The following GABRA6 variants were observed in gnomAD, a reference collection of about 807,000 sequenced individuals.
GABRA6 encodes the protein gamma-aminobutyric acid type A receptor subunit alpha6, also known as gamma-aminobutyric acid receptor subunit alpha-6.
In GABRA6, 45 loss-of-function variants were observed where a neutral mutation model predicts 47.3. The observed-to-expected ratio is 0.95, with a 90% confidence interval of 0.75 to 1.22. GABRA6 has a LOEUF of 1.22. Among genes scored for constraint, GABRA6 ranks in the 50% most tolerant of loss-of-function variants. The probability of loss-of-function intolerance (pLI) is 0.00; values close to 1 mark genes in which losing one functional copy is unlikely to be tolerated. For synonymous variants in GABRA6, 219 were observed against 194.7 expected (o/e 1.12, Z -1.04); for missense variants, 583 against 549.3 (o/e 1.06, Z -0.61).
intron 6 of GABRA6, 99 bp from the exon 7 acceptor site, chr5:161,690,102 A>G (rs12518935): frequency 8.8e-7 from 1 of 1,134,140 alleles, no homozygotes; most frequent in African/African-American, 1.5e-5. Flanking sequence ...GTTTTCTTCC[A>G]GTCAATGTTA....
At chr5:161,699,715 G>T (rs1022000262) in intron 8 of GABRA6, among the ~76,000 whole-genome samples, 1 of 151,834 alleles carries the variant, frequency 6.6e-6, no homozygotes, top group South Asian at 2.1e-4. Flanking sequence ...ACCCACCTCC[G>T]CCTCCCAAAG....
chr5:161,700,404 G>A (rs751115630), intron 8 of GABRA6, among the ~76,000 whole-genome samples: 2 of 152,208 alleles, frequency 1.3e-5, no homozygotes, highest in African/African-American at 4.8e-5. Context: ...GCCACAAGGA[G>A]GGTGTTTGTT....
In GABRA6 at chr5:161,702,048, T is replaced by C. The variant is rs1754992240; in HGVS notation, c.*275T>C. 2 of 438,384 alleles carry C rather than the reference T, an allele frequency of 4.6e-6. No individual in the cohort carries two copies. The highest frequency in any genetic ancestry group is 2.8e-5 in the South Asian group (1 of 36,342). 27.2% of individuals were successfully genotyped at this position (438,384 alleles called of 1,614,324 possible). A position where few individuals can be genotyped will look rare whatever the true frequency, so the allele number is the denominator to read the frequency against. Reference sequence around the variant, plus strand: ...GGGTTCAAGATGAATTTGTCAACTTTTGTCTTCCATTGTTCAGTATTTTTA... The same window carrying C: ...GGGTTCAAGATGAATTTGTCAACTTCTGTCTTCCATTGTTCAGTATTTTTA... On this transcript the variant is annotated 3_prime_UTR_variant, in exon 9 of 9. Coordinates refer to ENST00000274545, the MANE Select transcript of GABRA6 (RefSeq NM_000811.3).
Position 161,686,334 on chromosome 5 carries a change from G to C in GABRA6, c.143G>C (p.Arg48Pro). The C allele has an allele frequency of 6.2e-7, 1 of 1,613,412 alleles. No individual in the cohort carries two copies. Among genetic ancestry groups the C allele is most frequent in the Non-Finnish European group, 8.5e-7 (1 of 1,179,374 alleles). The change falls in exon 2 of 9, where the codon CGG becomes CCG. Residue 48 changes from arginine to proline, a missense_variant. By Grantham distance (103) the Arg-to-Pro change is moderately radical. Transcript: ENST00000274545. ...CTTGAAGGCTATGACAATCGGCTGCGGCCGGGATTTGGAGGTAAGAAGCTG... is the reference window on the plus strand; with the variant it reads ...CTTGAAGGCTATGACAATCGGCTGCCGCCGGGATTTGGAGGTAAGAAGCTG... ...NLLEGYDNRL[R>P]PGFGGAVTEV... is the part of the protein sequence containing the mutation.
Position 161,691,996 on chromosome 5 carries a change from G to A in GABRA6, c.882G>A (p.Leu294=), listed in dbSNP as rs1220947762. ...TGAGCATCAGTGCCCGGCACTCTTT[G>A]CCAAAAGTGTCATATGCCACTGCCA... ...TTLSISARHS[L]PKVSYATAMD... is the part of the protein sequence containing the mutation. Residue 294 remains leucine (L), a synonymous_variant, in exon 8 of 9, where the codon TTG becomes TTA. Coordinates refer to ENST00000274545, the MANE Select transcript of GABRA6 (RefSeq NM_000811.3). 2 of 1,613,876 alleles carry A rather than the reference G, an allele frequency of 1.2e-6. No individual in the cohort carries two copies. The highest frequency in any genetic ancestry group is 3.3e-5 in the Admixed American group (2 of 59,992).
chr5:161,686,392 T>C (rs1339126168), intron 2 of GABRA6, 44 bp downstream of exon 2: 2 of 1,443,994 alleles, frequency 1.4e-6, no homozygotes, highest in Middle Eastern at 1.8e-4. Context: ...GTAGTTTCCT[T>C]CCTCCGTTTC....
chr5:161,691,282 T>C (rs1754784956), intron 7 of GABRA6, among the ~76,000 whole-genome samples: 2 of 145,954 alleles, frequency 1.4e-5, no homozygotes, highest in Admixed American at 7.3e-5. Flanking sequence ...TTTTTCTTTT[T>C]CTTTCCTTTT....
rs1754685147 is a variant in GABRA6 at position 161,686,017 on chromosome 5, A to G, written c.28A>G (p.Ile10Val). MASSLPWLCIILWLENALGK... is the reference protein window; with the variant it reads MASSLPWLCVILWLENALGK... ...GGCGTCGTCTCTGCCCTGGCTGTGC[A>G]TTATTCTGTGGTGAGTAAGATCCTT... The change falls in exon 1 of 9, where the codon ATT becomes GTT. Residue 10 changes from isoleucine to valine, a missense_variant. Transcript: ENST00000274545. 1 of 1,613,770 alleles carries G rather than the reference A, an allele frequency of 6.2e-7. No individual in the cohort carries two copies. The highest frequency in any genetic ancestry group is 8.5e-7 in the Non-Finnish European group (1 of 1,179,810).
intron 5 of GABRA6, 100 bp downstream of exon 5, chr5:161,689,436 G>T: frequency 8.9e-7 from 1 of 1,121,456 alleles, no homozygotes; most frequent in Admixed American, 1.8e-5. Context: ...ATAGAATCAT[G>T]ACACTATCAG....
In GABRA6 at chr5:161,701,567, G is replaced by C. The variant is rs773585316; in HGVS notation, c.1156G>C (p.Glu386Gln). ...SLSLPIVSSS[E>Q]ANKVLTRAPI... ...GTCTTTGCCAATAGTTTCATCTTCC[G>C]AGGCCAATAAAGTGCTCACGAGAGC... Residue 386 changes from glutamate to glutamine, a missense_variant, in exon 9 of 9, where the codon GAG (glutamate) becomes CAG (glutamine). Transcript: ENST00000274545. 32 of 1,613,972 alleles carry C rather than the reference G, an allele frequency of 2.0e-5. No individual in the cohort carries two copies. The highest frequency in any genetic ancestry group is 2.7e-5 in the Non-Finnish European group (32 of 1,180,030).
At chr5:161,697,585 G>A (rs992340368) in intron 8 of GABRA6, among the ~76,000 whole-genome samples, 17 of 152,184 alleles carry the variant, frequency 1.1e-4, no homozygotes, top group African/African-American at 4.1e-4. Flanking sequence ...AGAGACATTG[G>A]GCAATGTCTG....
intron 8 of GABRA6, among the ~76,000 whole-genome samples, chr5:161,693,582 G>A (rs1433036424): frequency 6.6e-6 from 1 of 151,982 alleles, no homozygotes; most frequent in African/African-American, 2.4e-5. Context: ...AGGCTGAGTT[G>A]GGAGGATCAC....
rs374271516 is a variant in GABRA6 at position 161,701,372 on chromosome 5, A to G, written c.1087-126A>G. ...AACAAATACTATTAAGAATTCATTGATGTTTGACCTTACATAGAAAGTAAG... is the reference window on the plus strand; with the variant it reads ...AACAAATACTATTAAGAATTCATTGGTGTTTGACCTTACATAGAAAGTAAG... On this transcript the variant is annotated intron_variant, in intron 8 of 8. Coordinates refer to ENST00000274545, the MANE Select transcript of GABRA6 (RefSeq NM_000811.3). 3.9e-5 allele frequency: 39 copies of G among 991,092 alleles called. No homozygotes were observed. In the African/African-American group the frequency reaches 4.8e-4, roughly 12 times the overall value. 61.4% of individuals were successfully genotyped at this position (991,092 alleles called of 1,614,324 possible). A position where few individuals can be genotyped will look rare whatever the true frequency, so the allele number is the denominator to read the frequency against.
Position 161,690,359 on chromosome 5 carries a change from T to C in GABRA6, c.826+6T>C, listed in dbSNP as rs1236410108. On this transcript the variant is annotated splice_donor_region_variant and intron_variant, in intron 7 of 8. Coordinates refer to ENST00000274545, the MANE Select transcript of GABRA6 (RefSeq NM_000811.3). Reference sequence around the variant, plus strand: ...CCCAGCAAGAACTGTTTTTGGTATATGTCACATTTTGTACTTCACGTACAT... The same window carrying C: ...CCCAGCAAGAACTGTTTTTGGTATACGTCACATTTTGTACTTCACGTACAT... The C allele has an allele frequency of 5.0e-6, 8 of 1,612,128 alleles. No individual in the cohort carries two copies. The highest frequency in any genetic ancestry group is 6.8e-6 in the Non-Finnish European group (8 of 1,179,318).
At chr5:161,696,466 ACT>A (rs1177113138) in intron 8 of GABRA6, among the ~76,000 whole-genome samples, 1 of 151,102 alleles carries the variant, frequency 6.6e-6, no homozygotes, top group Admixed American at 6.6e-5. Context: ...ACCATTAAAG[ACT>A]CTATGTGCCA....
chr5:161,687,524 G>A (rs779933003), intron 3 of GABRA6: 12 of 456,120 alleles, frequency 2.6e-5, no homozygotes, highest in South Asian at 1.9e-4. Context: ...TCTGTTCCAG[G>A]TACAGATGGC....
At chr5:161,687,216 T>G (rs946618863) in intron 3 of GABRA6, 2 of 592,156 alleles carry the variant, frequency 3.4e-6, no homozygotes, top group Non-Finnish European at 6.1e-6. Context: ...GAGGGACTTT[T>G]TAAAATTATG....
chr5:161,695,884 T>C (rs1271688390), intron 8 of GABRA6, among the ~76,000 whole-genome samples: 1 of 152,200 alleles, frequency 6.6e-6, no homozygotes, highest in Non-Finnish European at 1.5e-5. Context: ...CATATATATT[T>C]GATAAGTGCC....
At chr5:161,697,401 T>C (rs1281023413) in intron 8 of GABRA6, among the ~76,000 whole-genome samples, 1 of 152,244 alleles carries the variant, frequency 6.6e-6, no homozygotes, top group Non-Finnish European at 1.5e-5. Context: ...CTCCTTGTTC[T>C]GTCAATTGCC....
Sources: allele counts gnomAD v4.1 joint callset (sites outside exome capture counted in the v4.1 genomes callset), GRCh38; gene constraint gnomAD v4.1.1; transcripts MANE v1.5; gene names NCBI Gene and HGNC (gene_info 2026-07-23, HGNC 2026-07-21).